The following NOL4 variants were observed in gnomAD, a reference collection of about 807,000 sequenced individuals.
The protein encoded by NOL4 is nucleolar protein 4, also known as cancer/testis antigen 125.
NOL4 carries 17 observed loss-of-function variants against 75.9 expected under a neutral mutation model. The ratio of observed to expected loss-of-function variants is 0.22; its 90% CI spans 0.15 to 0.34. NOL4 has a LOEUF of 0.34. Among genes scored for constraint, NOL4 ranks in the 10% least tolerant of loss-of-function variants. The pLI, the probability that NOL4 is intolerant of heterozygous loss-of-function variation, is 1.00. For synonymous variants in NOL4, 292 were observed against 289.9 expected, an observed-to-expected ratio of 1.01 and a Z score of -0.07; for missense variants, 614 against 793.5, an observed-to-expected ratio of 0.77 and a Z score of 2.72.
intron 9 of NOL4, among the ~76,000 whole-genome samples, chr18:33,912,426 G>A (rs1285603869): frequency 1.3e-5 from 2 of 151,886 alleles, no homozygotes; most frequent in East Asian, 3.9e-4. Flanking sequence ...AATCAGGATA[G>A]GTACATTAAG....
chr18:33,882,659 G>A (rs915587353), intron 10 of NOL4, among the ~76,000 whole-genome samples: 5 of 150,766 alleles, frequency 3.3e-5, no homozygotes, highest in Non-Finnish European at 7.4e-5. Context: ...GATTCCTCAG[G>A]GATCTAGAAC....
In NOL4 at chr18:33,852,435, CT is replaced by C. The variant is rs78098811; in HGVS notation, c.*406del. ...AACAAGAAATTTGGCTTTTTTTTTT[CT>C]TTTTTTTTTTTTTGCCAGGTACTTC... On this transcript the variant is annotated 3_prime_UTR_variant, in exon 11 of 11. Transcript: ENST00000261592. 110 of 125,358 alleles carry C rather than the reference CT, an allele frequency of 8.8e-4. No homozygotes were observed. The highest frequency in any genetic ancestry group is 1.1e-3 in the Non-Finnish European group (67 of 59,340). The allele number at this position is 125,358 out of a possible 1,614,324, so 7.8% of individuals were successfully genotyped here.
chr18:34,123,708 A>C (rs146950100), intron 2 of NOL4, among the ~76,000 whole-genome samples: 1 of 141,700 alleles, frequency 7.1e-6, no homozygotes, highest in Admixed American at 7.0e-5. Context: ...GTATATATAG[A>C]GAGATAGATG....
chr18:33,909,149 T>A (rs1256665590), intron 9 of NOL4, among the ~76,000 whole-genome samples: 1 of 152,156 alleles, frequency 6.6e-6, no homozygotes, highest in Non-Finnish European at 1.5e-5. Flanking sequence ...TATTTAACAC[T>A]ACTTGGATTT....
intron 3 of NOL4, 128 bp downstream of exon 3, chr18:34,104,921 C>A (rs903591292): frequency 1.8e-6 from 1 of 568,780 alleles, no homozygotes. Context: ...CTGCCTCCTA[C>A]TTGAATAAAT....
intron 6 of NOL4, among the ~76,000 whole-genome samples, chr18:33,967,022 G>C (rs1375894717): frequency 1.3e-5 from 2 of 151,980 alleles, no homozygotes; most frequent in Non-Finnish European, 1.5e-5. Flanking sequence ...AATAGCCAAA[G>C]CAATTCTAAG....
chr18:33,865,354 A>G (rs569810795), intron 10 of NOL4, among the ~76,000 whole-genome samples: 1 of 152,194 alleles, frequency 6.6e-6, no homozygotes, highest in Non-Finnish European at 1.5e-5. Context: ...TGCTATATAA[A>G]TATTTGTTAT....
At chr18:33,967,649 A>G (rs2070712561) in intron 6 of NOL4, among the ~76,000 whole-genome samples, 1 of 152,218 alleles carries the variant, frequency 6.6e-6, no homozygotes, top group Non-Finnish European at 1.5e-5. Context: ...AAAAGTGGGC[A>G]AAGGACATTA....
intron 5 of NOL4, among the ~76,000 whole-genome samples, chr18:34,083,404 A>G (rs554535223): frequency 7.2e-5 from 11 of 152,276 alleles, no homozygotes; most frequent in Admixed American, 6.5e-4. Flanking sequence ...AGGAAGGGCC[A>G]GCTGGGAGAA....
chr18:33,862,520 A>G (rs1479270057), intron 10 of NOL4, among the ~76,000 whole-genome samples: 3 of 152,174 alleles, frequency 2.0e-5, no homozygotes, highest in Non-Finnish European at 4.4e-5. Context: ...CAACCTACTC[A>G]TCTGACAAAG....
At chr18:34,123,532 CATATATATATAT>C (rs34954122) in intron 2 of NOL4, among the ~76,000 whole-genome samples, 45 of 129,334 alleles carry the variant, frequency 3.5e-4, no homozygotes, top group African/African-American at 1.2e-3. Flanking sequence ...ATGTGATAAC[CATATATATATAT>C]ATATATATAT....
chr18:34,020,283 G>A (rs571775615), intron 5 of NOL4, among the ~76,000 whole-genome samples: 26 of 149,614 alleles, frequency 1.7e-4, no homozygotes, highest in African/African-American at 6.1e-4. Context: ...CAATCTCAAA[G>A]AAAAAAAAAC....
chr18:33,980,537 T>A (rs1038156950), intron 6 of NOL4, among the ~76,000 whole-genome samples: 1 of 151,280 alleles, frequency 6.6e-6, no homozygotes, highest in African/African-American at 2.4e-5. Flanking sequence ...TCCAGTTGAG[T>A]TGGAGGAAGA....
chr18:34,079,535 T>G (rs190988296), intron 5 of NOL4, among the ~76,000 whole-genome samples: 2 of 152,168 alleles, frequency 1.3e-5, no homozygotes, highest in East Asian at 3.9e-4. Flanking sequence ...TTTTCCTGAC[T>G]ACACCTTGAG....
chr18:34,094,236 A>G (rs1378952909), intron 4 of NOL4, among the ~76,000 whole-genome samples: 3 of 152,210 alleles, frequency 2.0e-5, no homozygotes, highest in African/African-American at 7.2e-5. Context: ...TGTAAGCAGA[A>G]ATCTTAGAAT....
chr18:33,926,620 G>C, intron 9 of NOL4, among the ~76,000 whole-genome samples: 1 of 152,092 alleles, frequency 6.6e-6, no homozygotes, highest in Non-Finnish European at 1.5e-5. Context: ...TTGTTTGTTT[G>C]AGACGGAGTC....
chr18:34,152,640 G>C (rs2081699470), intron 1 of NOL4, among the ~76,000 whole-genome samples: 1 of 151,862 alleles, frequency 6.6e-6, no homozygotes, highest in Non-Finnish European at 1.5e-5. Flanking sequence ...ACAAGAGTTT[G>C]TCCGACAGCA....
intron 8 of NOL4, among the ~76,000 whole-genome samples, chr18:33,945,783 G>T (rs931524237): frequency 2.6e-5 from 4 of 151,712 alleles, no homozygotes; most frequent in African/African-American, 9.7e-5. Flanking sequence ...TTTGAAAATA[G>T]ATTTGTACTG....
In NOL4 at chr18:33,873,799, T is replaced by A. The variant is rs1248482399; in HGVS notation, c.1723+9445A>T. 5.3e-5 allele frequency among the ~76,000 whole-genome samples: 8 copies of A among 152,118 alleles called. No homozygotes were observed. In the East Asian group the frequency reaches 1.5e-3, roughly 29 times the overall value. On this transcript the variant is annotated intron_variant, in intron 10 of 10. Coordinates refer to ENST00000261592, the MANE Select transcript of NOL4 (RefSeq NM_003787.5). ...ACCTTGCCTGCCCTTGTGCATAGTCTATAGAAAGCAGCACATAATGGACAG... is the reference window on the plus strand; with the variant it reads ...ACCTTGCCTGCCCTTGTGCATAGTCAATAGAAAGCAGCACATAATGGACAG...
Sources: allele counts gnomAD v4.1 joint callset (sites outside exome capture counted in the v4.1 genomes callset), GRCh38; gene constraint gnomAD v4.1.1; transcripts MANE v1.5; gene names NCBI Gene and HGNC (gene_info 2026-07-23, HGNC 2026-07-21).